Variants in NR3C2 observed in about 807,000 individuals in gnomAD.
The protein encoded by NR3C2 is mineralocorticoid receptor.
NR3C2 carries 15 observed loss-of-function variants against 86.4 expected under a neutral mutation model. The observed-to-expected ratio is 0.17, with a 90% confidence interval of 0.12 to 0.27. The LOEUF (loss-of-function observed/expected upper bound fraction) is 0.27. Among genes scored for constraint, NR3C2 ranks in the 10% least tolerant of loss-of-function variants. The pLI, the probability that NR3C2 is intolerant of heterozygous loss-of-function variation, is 1.00. For synonymous variants in NR3C2, 458 were observed against 450.5 expected, an observed-to-expected ratio of 1.02 and a Z score of -0.21; for missense variants, 960 against 1,195.6, an observed-to-expected ratio of 0.80 and a Z score of 2.91.
At chr4:148,259,208 T>C (rs1393540000) in intron 3 of NR3C2, among the ~76,000 whole-genome samples, 1 of 152,214 alleles carries the variant, frequency 6.6e-6, no homozygotes, top group Non-Finnish European at 1.5e-5. Flanking sequence ...AATGTAATTG[T>C]CCATTACACA....
rs202040522 is a variant in NR3C2 at position 148,324,326 on chromosome 4, T to C, written c.1758-64209A>G. Among the ~76,000 whole-genome samples, 41 of 144,312 alleles carry C rather than the reference T, an allele frequency of 2.8e-4. No homozygotes were observed. In the East Asian group the frequency reaches 6.7e-3, roughly 24 times the overall value. 94.7% of individuals were successfully genotyped at this position (144,312 alleles called of 152,430 possible). ...TTTTCTTTTTTAAGACTGAATAATA[T>C]TCCTCTGTGTGTGTGTGTGTGTGTG... On this transcript the variant is annotated intron_variant, in intron 2 of 8. Transcript: ENST00000358102.
intron 2 of NR3C2, among the ~76,000 whole-genome samples, chr4:148,346,510 T>C (rs1033685413): frequency 5.9e-5 from 9 of 151,950 alleles, no homozygotes; most frequent in Admixed American, 2.0e-4. Context: ...TAGAGCCCAG[T>C]GAAAGTTATG....
At chr4:148,200,363 C>A (rs993291887) in intron 3 of NR3C2, among the ~76,000 whole-genome samples, 3 of 151,776 alleles carry the variant, frequency 2.0e-5, no homozygotes, top group African/African-American at 7.3e-5. Flanking sequence ...CCCACACAGC[C>A]CCCTTCCCGC....
chr4:148,084,593 A>C (rs1560912026), intron 8 of NR3C2, among the ~76,000 whole-genome samples: 1 of 152,228 alleles, frequency 6.6e-6, no homozygotes, highest in Non-Finnish European at 1.5e-5. Flanking sequence ...CGATGCTATG[A>C]AGAAACTGCA....
At chr4:148,164,872 C>T (rs1734812250) in intron 4 of NR3C2, among the ~76,000 whole-genome samples, 1 of 152,168 alleles carries the variant, frequency 6.6e-6, no homozygotes, top group Non-Finnish European at 1.5e-5. Flanking sequence ...CTAGGCCTTC[C>T]CAAGTTCTAG....
Position 148,435,962 on chromosome 4 carries a change from G to C in NR3C2, c.899C>G (p.Pro300Arg), listed in dbSNP as rs1560736117. The C allele has an allele frequency of 1.2e-6, 2 of 1,614,202 alleles. No homozygotes were observed. The change falls in exon 2 of 9, where the codon CCT (proline) becomes CGT (arginine). Residue 300 changes from proline to arginine, a missense_variant. Pro to Arg is a moderately radical substitution (Grantham distance 103, BLOSUM62 -2). This residue lies in a region of NR3C2 where 680 missense variants were observed against 719.0 expected (regional missense o/e 0.95). Transcript: ENST00000358102. ...GCACCTTGAGTTGTTAATATTTGCA[G>C]GGCTAGACACAGAGGATCTCAGAGT... ...NVTLRSSVSS[P>R]ANINNSRCSV... is the part of the protein sequence containing the mutation.
At chr4:148,367,893 G>C (rs976545385) in intron 2 of NR3C2, among the ~76,000 whole-genome samples, 1 of 148,990 alleles carries the variant, frequency 6.7e-6, no homozygotes, top group African/African-American at 2.5e-5. Context: ...AAAAAGTCAA[G>C]GGGGATTTCT....
chr4:148,310,358 T>C (rs1742846726), intron 2 of NR3C2, among the ~76,000 whole-genome samples: 1 of 152,190 alleles, frequency 6.6e-6, no homozygotes, highest in South Asian at 2.1e-4. Context: ...ACCAAGATTA[T>C]GGGTCTCATT....
intron 2 of NR3C2, among the ~76,000 whole-genome samples, chr4:148,273,181 T>C (rs1740777264): frequency 6.6e-6 from 1 of 152,210 alleles, no homozygotes; most frequent in African/African-American, 2.4e-5. Flanking sequence ...TCAATGCCAC[T>C]GGAACATGAA....
rs185393726 is a variant in NR3C2 at position 148,242,982 on chromosome 4, G to A, written c.1897+16996C>T. 5.0e-4 allele frequency among the ~76,000 whole-genome samples: 75 copies of A among 150,964 alleles called. 1 individual carries two copies. In the East Asian group the frequency reaches 9.6e-3, roughly 19 times the overall value. On this transcript the variant is annotated intron_variant, in intron 3 of 8. Coordinates refer to ENST00000358102, the MANE Select transcript of NR3C2 (RefSeq NM_000901.5). ...TAGGAACGTTAATTGGTTACAGGACGGTTACTATTTTAGGTGGCAGGATTT... is the reference window on the plus strand; with the variant it reads ...TAGGAACGTTAATTGGTTACAGGACAGTTACTATTTTAGGTGGCAGGATTT...
chr4:148,215,346 G>A (rs139783279), intron 3 of NR3C2, among the ~76,000 whole-genome samples: 31 of 152,310 alleles, frequency 2.0e-4, no homozygotes, highest in African/African-American at 7.5e-4. Flanking sequence ...GTTATTAAAT[G>A]CCCTTGAGGC....
At chr4:148,427,999 C>A (rs1749633158) in intron 2 of NR3C2, among the ~76,000 whole-genome samples, 1 of 152,190 alleles carries the variant, frequency 6.6e-6, no homozygotes, top group Non-Finnish European at 1.5e-5. Flanking sequence ...GGGGTGCTTA[C>A]ACAGTTTCAA....
intron 6 of NR3C2, among the ~76,000 whole-genome samples, chr4:148,120,799 A>G (rs1732475332): frequency 6.6e-6 from 1 of 152,228 alleles, no homozygotes; most frequent in Non-Finnish European, 1.5e-5. Context: ...TTACAGCAAC[A>G]TGTTTTAAAA....
At chr4:148,300,252 C>T (rs550068276) in intron 2 of NR3C2, among the ~76,000 whole-genome samples, 1 of 152,298 alleles carries the variant, frequency 6.6e-6, no homozygotes, top group Non-Finnish European at 1.5e-5. Flanking sequence ...AAAATGAGTC[C>T]TTTCTCGTTT....
rs188219457 is a variant in NR3C2 at position 148,360,851 on chromosome 4, G to C, written c.1757+74253C>G. Among the ~76,000 whole-genome samples the C allele has an allele frequency of 4.6e-5, 7 of 151,996 alleles. No homozygotes were observed. In the East Asian group the frequency reaches 1.4e-3, roughly 29 times the overall value. On this transcript the variant is annotated intron_variant, in intron 2 of 8. Transcript: ENST00000358102. ...CACTTATAACACAATATTAAGTATG[G>C]GTTGGCAAGAAACAGTAATGGTGAG...
At chr4:148,323,892 T>A in intron 2 of NR3C2, among the ~76,000 whole-genome samples, 1 of 152,180 alleles carries the variant, frequency 6.6e-6, no homozygotes, top group Non-Finnish European at 1.5e-5. Context: ...TTTGGCCATC[T>A]TGGCTCCTCC....
At chr4:148,315,174 C>A (rs1292998022) in intron 2 of NR3C2, among the ~76,000 whole-genome samples, 1 of 152,124 alleles carries the variant, frequency 6.6e-6, no homozygotes. Context: ...CACTTTGATC[C>A]GCCAGTTACT....
chr4:148,284,190 A>G (rs918822398), intron 2 of NR3C2, among the ~76,000 whole-genome samples: 5 of 152,158 alleles, frequency 3.3e-5, no homozygotes, highest in African/African-American at 1.2e-4. Context: ...TCTTTAGAGT[A>G]GAGCCTTATG....
intron 2 of NR3C2, among the ~76,000 whole-genome samples, chr4:148,307,196 T>G (rs777521461): frequency 9.2e-5 from 14 of 152,012 alleles, no homozygotes; most frequent in Non-Finnish European, 1.5e-4. Context: ...CAAAGAGAAA[T>G]GACAACTATC....
Sources: allele counts gnomAD v4.1 joint callset (sites outside exome capture counted in the v4.1 genomes callset), GRCh38; gene constraint gnomAD v4.1.1; regional missense constraint gnomAD v4.1.1; transcripts MANE v1.5; gene names NCBI Gene and HGNC (gene_info 2026-07-23, HGNC 2026-07-21).